Variants in RNASEH2A observed in about 807,000 individuals in gnomAD.
The protein encoded by RNASEH2A is ribonuclease H2 subunit A.
Under a neutral mutation model 32.7 loss-of-function variants are expected in RNASEH2A, and 30 were observed. That is an observed-to-expected ratio of 0.92 (90% confidence interval 0.69 to 1.25). RNASEH2A has a LOEUF of 1.25. RNASEH2A is among the 50% of genes most tolerant of loss of function. The pLI, the probability that RNASEH2A is intolerant of heterozygous loss-of-function variation, is 0.00. For synonymous variants in RNASEH2A, 147 were observed against 165.4 expected (o/e 0.89, Z 0.86); for missense variants, 409 against 398.1 (o/e 1.03, Z -0.23).
rs1378813638 is a variant in RNASEH2A, at chr19:12,807,195, C to T, written c.200-11C>T. ...CCAGCTGTTCCCCTTCTCTTCCAAA[C>T]CTCCTCCCAGACTCAAAGACCCTAT... is the stretch of plus-strand genomic sequence containing the variant. On this transcript the variant is annotated splice_polypyrimidine_tract_variant and intron_variant, in intron 2 of 7. Coordinates refer to ENST00000221486, the MANE Select transcript of RNASEH2A (RefSeq NM_006397.3). 4 of 1,613,988 alleles carry T rather than the reference C, an allele frequency of 2.5e-6. No homozygotes were observed. The highest frequency in any genetic ancestry group is 3.3e-5 in the Admixed American group (2 of 59,986).
At position 12,810,313 on chromosome 19, in the gene RNASEH2A, A is replaced by G; in HGVS notation, c.550-4A>G. On this transcript the variant is annotated splice_region_variant and splice_polypyrimidine_tract_variant and intron_variant, in intron 5 of 7. Transcript: ENST00000221486. The stretch of plus-strand genomic sequence containing the variant: ...GAGATTCCAGGTGCCTGTTTTGCCC[A>G]CAGGTGGCCCGGGACCAGGCCGTGA... 6.2e-7 allele frequency: 1 copy of G among 1,614,174 alleles called. No homozygotes were observed. The highest frequency in any genetic ancestry group is 8.5e-7 in the Non-Finnish European group (1 of 1,180,026).
Position 12,813,411 on chromosome 19 carries a change from G to C in RNASEH2A, c.845G>C (p.Arg282Pro). Residue 282 changes from arginine to proline, a missense_variant, in exon 8 of 8, where the codon CGT (arginine) becomes CCT (proline). Arg to Pro is a moderately radical substitution (Grantham distance 103). Coordinates refer to ENST00000221486, the MANE Select transcript of RNASEH2A (RefSeq NM_006397.3). ...AATGAAGGGTCCCAAGCCCGTCCCC[G>C]TTCTTCCCACCGATATTTCCTGGAA... ...FLNEGSQARP[R>P]SSHRYFLERG... 1 of 1,614,086 alleles carries C rather than the reference G, an allele frequency of 6.2e-7. No individual in the cohort carries two copies. Among genetic ancestry groups the C allele is most frequent in the Non-Finnish European group, 8.5e-7 (1 of 1,180,018 alleles).
At chr19:12,812,292 C>G (rs947459543) in intron 6 of RNASEH2A, among the ~76,000 whole-genome samples, 1 of 152,118 alleles carries the variant, frequency 6.6e-6, no homozygotes, top group African/African-American at 2.4e-5. Flanking sequence ...CTTTGGGAGG[C>G]TGAGGTGGGT....
rs891332217 is a variant in RNASEH2A, at chr19:12,812,365, C to A, written c.638-718C>A. Among the ~76,000 whole-genome samples the A allele has an allele frequency of 1.2e-4, 18 of 151,608 alleles. No individual in the cohort carries two copies. The East Asian group carries it at 2.9e-3, about 25-fold the overall frequency. On this transcript the variant is annotated intron_variant, in intron 6 of 7. Transcript: ENST00000221486. ...TGTCCAATATGGTGAAACCCCGTCTCTACTAAAAATACAAAAATTAGCCAG... is the reference window on the plus strand; with the variant it reads ...TGTCCAATATGGTGAAACCCCGTCTATACTAAAAATACAAAAATTAGCCAG...
Position 12,806,627 on chromosome 19 carries a change from C to T in RNASEH2A, c.-47C>T, listed in dbSNP as rs780136932. 2.6e-6 allele frequency: 4 copies of T among 1,558,748 alleles called. No individual in the cohort carries two copies. The highest frequency in any genetic ancestry group is 3.9e-5 in the Admixed American group (2 of 51,760). ...CGCGGAAAACGCGCGCCGAGACCCG[C>T]TCCTGCAGTATTAGTTCTTGCAGCT... On this transcript the variant is annotated 5_prime_UTR_variant, in exon 1 of 8. Coordinates refer to ENST00000221486, the MANE Select transcript of RNASEH2A (RefSeq NM_006397.3).
Position 12,813,586 on chromosome 19 carries a change from C to T in RNASEH2A, c.*120C>T, listed in dbSNP as rs73925216. 3,352 of 1,265,186 alleles carry T rather than the reference C, an allele frequency of 2.6e-3. 60 individuals carry two copies. In the African/African-American group the frequency reaches 0.042, roughly 16 times the overall value. The allele number at this position is 1,265,186 out of a possible 1,614,324, so 78.4% of individuals were successfully genotyped here. ...GCAAGGTGGGAGTGTGCTCTGCAGC[C>T]GGGTCCAGCTACTTCCTTTTGGAAC... On this transcript the variant is annotated 3_prime_UTR_variant, in exon 8 of 8. Coordinates refer to ENST00000221486, the MANE Select transcript of RNASEH2A (RefSeq NM_006397.3).
chr19:12,808,582 C>T (rs1021017367), intron 4 of RNASEH2A, among the ~76,000 whole-genome samples: 2 of 152,124 alleles, frequency 1.3e-5, no homozygotes, highest in African/African-American at 4.8e-5. Context: ...CAATCTGTTC[C>T]CCAAGCAGCA....
intron 6 of RNASEH2A, among the ~76,000 whole-genome samples, 186 bp downstream of exon 6, chr19:12,810,590 G>A (rs527795136): frequency 6.6e-6 from 1 of 152,138 alleles, no homozygotes; most frequent in South Asian, 2.1e-4. Context: ...GAGTGTAATG[G>A]TGCGATCTCG....
Position 12,807,038 on chromosome 19 carries a change from C to G in RNASEH2A, c.158C>G (p.Pro53Arg). The G allele has an allele frequency of 6.2e-7, 1 of 1,614,106 alleles. No homozygotes were observed. Among genetic ancestry groups the G allele is most frequent in the South Asian group, 1.1e-5 (1 of 91,086 alleles). ...GPMVYAICYC[P>R]LPRLADLEAL... ...ATGGTCTACGCCATCTGTTATTGTC[C>G]CCTGCCTCGCCTGGCAGATCTGGAG... Residue 53 changes from proline (P) to arginine (R), a missense_variant, in exon 2 of 8, where the codon CCC becomes CGC. Physicochemically the swap from Pro to Arg is moderately radical, Grantham distance 103 (BLOSUM62 -2). Coordinates refer to ENST00000221486, the MANE Select transcript of RNASEH2A (RefSeq NM_006397.3).
chr19:12,813,282 G>T (rs1568388776), intron 7 of RNASEH2A, 46 bp from the exon 8 acceptor site: 1 of 1,614,076 alleles, frequency 6.2e-7, no homozygotes, highest in East Asian at 2.2e-5. Context: ...GCCTGAGAGG[G>T]TTGCTCCCTG....
At chr19:12,812,970 A>C (rs963952488) in intron 6 of RNASEH2A, 113 bp from the exon 7 acceptor site, 17 of 1,465,398 alleles carry the variant, frequency 1.2e-5, no homozygotes, top group African/African-American at 1.4e-5. Flanking sequence ...GCGCCACTGC[A>C]CTCCAGCCTG....
Position 12,809,962 on chromosome 19 carries a change from C to T in RNASEH2A, c.412-109C>T, listed in dbSNP as rs376766638. On this transcript the variant is annotated intron_variant, in intron 4 of 7. Coordinates refer to ENST00000221486, the MANE Select transcript of RNASEH2A (RefSeq NM_006397.3). ...ATCCCTGATTGATCCATCCTGGGGA[C>T]GTGCTGGAGAAGAGGATTCTGGGTA... 50 of 1,371,988 alleles carry T rather than the reference C, an allele frequency of 3.6e-5. No homozygotes were observed. The East Asian group carries it at 5.5e-4, about 15-fold the overall frequency. 85.0% of individuals were successfully genotyped at this position (1,371,988 alleles called of 1,614,324 possible).
At chr19:12,807,867 A>C in intron 4 of RNASEH2A, 2 of 344,862 alleles carry the variant, frequency 5.8e-6, no homozygotes, top group Non-Finnish European at 1.1e-5. Flanking sequence ...AGGAGGCAGA[A>C]GTTGCAGTGA....
chr19:12,807,279 G>A lies in RNASEH2A; in HGVS notation c.273G>A (p.Trp91Ter). 6.2e-7 allele frequency: 1 copy of A among 1,614,166 alleles called. No individual in the cohort carries two copies. Among genetic ancestry groups the A allele is most frequent in the East Asian group, 2.2e-5 (1 of 44,874 alleles). ...AKMEDTDFVG[W>*]ALDVLSPNLI... ...TGGAGGACACGGACTTTGTCGGCTG[G>A]GCGCTGGATGTGCTGTCTCCAAACC... Residue 91 changes from tryptophan (W) to a stop codon, truncating the protein, a stop_gained, in exon 3 of 8, where the codon TGG becomes TGA. Coordinates refer to ENST00000221486, the MANE Select transcript of RNASEH2A (RefSeq NM_006397.3). LOFTEE classifies it high-confidence loss of function.
In RNASEH2A at chr19:12,810,111, C is replaced by T. The variant is rs369325444; in HGVS notation, c.452C>T (p.Ala151Val). 1.1e-5 allele frequency: 17 copies of T among 1,614,166 alleles called. 1 individual carries two copies. The highest frequency in any genetic ancestry group is 6.6e-5 in the South Asian group (6 of 91,082). Residue 151 changes from alanine (A) to valine (V), a missense_variant, in exon 5 of 8, where the codon GCG (alanine) becomes GTG (valine). Ala to Val is a moderately conservative substitution (Grantham distance 64). Coordinates refer to ENST00000221486, the MANE Select transcript of RNASEH2A (RefSeq NM_006397.3). ...GTAGGGATGCCAGAGACATACCAGG[C>T]GCGGCTGCAGCAAAGTTTTCCCGGG... is the stretch of plus-strand genomic sequence containing the variant. ...DTVGMPETYQ[A>V]RLQQSFPGIE...
intron 6 of RNASEH2A, among the ~76,000 whole-genome samples, chr19:12,811,789 C>A (rs985145085): frequency 6.6e-6 from 1 of 151,778 alleles, no homozygotes; most frequent in Non-Finnish European, 1.5e-5. Context: ...TGGTGGCACA[C>A]GCCCGTAATC....
rs373112486 is a variant in RNASEH2A, at chr19:12,806,637, A to G, written c.-37A>G. ...GCGCGCCGAGACCCGCTCCTGCAGT[A>G]TTAGTTCTTGCAGCTGGTGGTGGCG... On this transcript the variant is annotated 5_prime_UTR_variant, in exon 1 of 8. Coordinates refer to ENST00000221486, the MANE Select transcript of RNASEH2A (RefSeq NM_006397.3). 3.1e-5 allele frequency: 49 copies of G among 1,564,928 alleles called. No homozygotes were observed. The highest frequency in any genetic ancestry group is 2.8e-4 in the African/African-American group (21 of 73,766).
rs777783367 is a variant in RNASEH2A, at chr19:12,813,407, C to A, written c.841C>A (p.Pro281Thr). 6.2e-7 allele frequency: 1 copy of A among 1,614,148 alleles called. No homozygotes were observed. Among genetic ancestry groups the A allele is most frequent in the South Asian group, 1.1e-5 (1 of 91,086 alleles). Residue 281 changes from proline to threonine, a missense_variant, in exon 8 of 8, where the codon CCC (proline) becomes ACC (threonine). Pro to Thr is a conservative substitution (Grantham distance 38). Coordinates refer to ENST00000221486, the MANE Select transcript of RNASEH2A (RefSeq NM_006397.3). Reference sequence around the variant, plus strand: ...CCTCAATGAAGGGTCCCAAGCCCGTCCCCGTTCTTCCCACCGATATTTCCT... The same window carrying A: ...CCTCAATGAAGGGTCCCAAGCCCGTACCCGTTCTTCCCACCGATATTTCCT... ...YFLNEGSQAR[P>T]RSSHRYFLER...
At position 12,812,911 on chromosome 19, in the gene RNASEH2A, A is replaced by G. The variant is rs3786712; in HGVS notation, c.638-172A>G. Among the ~76,000 whole-genome samples, 108,382 of 151,782 alleles carry G rather than the reference A, an allele frequency of 0.71. 39,360 individuals carry two copies. Among genetic ancestry groups the G allele is most frequent in the African/African-American group, 0.84 (34,597 of 41,402 alleles). ...TCCCAGCTACTTGGGAGGCTGAGGC[A>G]GGAGAATCGCTTGAATCCGGGAGGT... On this transcript the variant is annotated intron_variant, in intron 6 of 7. Coordinates refer to ENST00000221486, the MANE Select transcript of RNASEH2A (RefSeq NM_006397.3).
Sources: gnomAD v4.1 joint callset for allele counts (sites outside exome capture counted in the v4.1 genomes callset) on GRCh38, gnomAD v4.1.1 for gene constraint, MANE v1.5 for transcripts, NCBI Gene and HGNC (gene_info 2026-07-23, HGNC 2026-07-21) for gene names.